Variants in TENM2 observed in about 807,000 individuals in gnomAD.
TENM2 encodes the protein teneurin transmembrane protein 2, also known as teneurin-2.
In TENM2, 52 loss-of-function variants were observed where a neutral mutation model predicts 245.2. The observed-to-expected ratio is 0.21, with a 90% CI of 0.17 to 0.27. The LOEUF is 0.27. TENM2 is among the 10% of genes least tolerant of loss of function. The probability of loss-of-function intolerance (pLI) is 1.00; values close to 1 mark genes in which losing one functional copy is unlikely to be tolerated. For synonymous variants in TENM2, 1,363 were observed against 1,438.9 expected, an observed-to-expected ratio of 0.95 and a Z score of 1.19; for missense variants, 3,046 against 3,666.8, an observed-to-expected ratio of 0.83 and a Z score of 4.37.
intron 2 of TENM2, among the ~76,000 whole-genome samples, chr5:167,872,552 A>AAGAAAGAAAG (rs1773062975): frequency 6.2e-5 from 3 of 48,350 alleles, no homozygotes; most frequent in African/African-American, 1.7e-4. Flanking sequence ...AAGAAAGAGA[A>AAGAAAGAAAG]AGAAAGAAAG....
At chr5:168,064,726 T>C (rs898358058) in intron 7 of TENM2, among the ~76,000 whole-genome samples, 14 of 152,210 alleles carry the variant, frequency 9.2e-5, no homozygotes, top group African/African-American at 3.4e-4. Flanking sequence ...TGAATAGGCA[T>C]GGGCTGATGT....
chr5:167,675,257 A>G (rs911328576), intron 2 of TENM2, among the ~76,000 whole-genome samples: 1 of 152,148 alleles, frequency 6.6e-6, no homozygotes, highest in East Asian at 1.9e-4. Flanking sequence ...TGTGATACAC[A>G]AAGACTTTTG....
intron 2 of TENM2, among the ~76,000 whole-genome samples, chr5:167,550,563 C>A (rs1316072590): frequency 6.6e-6 from 1 of 152,136 alleles, no homozygotes; most frequent in Non-Finnish European, 1.5e-5. Context: ...TAGCAGTCAG[C>A]TGATCTGTGG....
At chr5:167,152,182 C>T in the TENM2 span, among the ~76,000 whole-genome samples, 1 of 152,132 alleles carries the variant, frequency 6.6e-6, no homozygotes, top group African/African-American at 2.4e-5. Flanking sequence ...ATTGTATTTT[C>T]TTTTTCTTCA....
At chr5:167,469,354 T>C (rs374101054) in intron 2 of TENM2, among the ~76,000 whole-genome samples, 1 of 152,154 alleles carries the variant, frequency 6.6e-6, no homozygotes, top group African/African-American at 2.4e-5. Flanking sequence ...AGACTATTTG[T>C]TTTTTAATTA....
intron 2 of TENM2, among the ~76,000 whole-genome samples, chr5:167,692,540 T>C (rs533590366): frequency 6.6e-6 from 1 of 152,310 alleles, no homozygotes; most frequent in East Asian, 1.9e-4. Flanking sequence ...AACTTTATTA[T>C]CAGCATCACC....
chr5:167,434,004 CA>C (rs978103125), intron 2 of TENM2, among the ~76,000 whole-genome samples: 3 of 151,872 alleles, frequency 2.0e-5, no homozygotes, highest in Admixed American at 6.6e-5. Flanking sequence ...TTAGCTTCTA[CA>C]AAAAAATTTA....
intron 2 of TENM2, among the ~76,000 whole-genome samples, chr5:167,376,480 T>C (rs4509046): frequency 0.56 from 85,778 of 151,992 alleles, 25,976 homozygotes; most frequent in African/African-American, 0.79. Context: ...AATTTGCAGG[T>C]GGACAGCTTG....
At chr5:167,250,216 G>C in the TENM2 span, among the ~76,000 whole-genome samples, 1 of 152,100 alleles carries the variant, frequency 6.6e-6, no homozygotes, top group African/African-American at 2.4e-5. Context: ...AGCTACTCAG[G>C]AGGCTGAGTG....
intron 2 of TENM2, among the ~76,000 whole-genome samples, chr5:167,423,847 A>T (rs548662736): frequency 5.9e-5 from 9 of 152,148 alleles, no homozygotes; most frequent in Non-Finnish European, 1.3e-4. Context: ...TATGATTCTC[A>T]TGTGGGGCAT....
intron 2 of TENM2, among the ~76,000 whole-genome samples, chr5:167,787,688 C>T (rs770893539): frequency 5.9e-5 from 9 of 152,196 alleles, no homozygotes; most frequent in Admixed American, 6.5e-5. Flanking sequence ...TGTCCCTGTC[C>T]TCTGTGGCCA....
intron 1 of TENM2, among the ~76,000 whole-genome samples, chr5:167,341,998 A>G (rs952497643): frequency 6.6e-6 from 1 of 152,238 alleles, no homozygotes; most frequent in African/African-American, 2.4e-5. Context: ...TTTTAGATGT[A>G]CAGAATTATT....
chr5:168,229,053 A>ATAAT (rs894874585), intron 25 of TENM2, among the ~76,000 whole-genome samples: 38 of 148,164 alleles, frequency 2.6e-4, no homozygotes, highest in Middle Eastern at 7.2e-3. Flanking sequence ...AATTACATAT[A>ATAAT]TAATTAATGT....
Position 167,360,600 on chromosome 5 carries a change from C to T in TENM2, c.227-14598C>T, listed in dbSNP as rs80242044. Among the ~76,000 whole-genome samples the T allele has an allele frequency of 5.2e-3, 793 of 152,196 alleles. 9 individuals are homozygous for T. The highest frequency in any genetic ancestry group is 0.018 in the African/African-American group (766 of 41,530). ...GTATGTTAAGAATGAATATTCATTA[C>T]AGGAAAAAGAACCTGAAAATTTCTC... On this transcript the variant is annotated intron_variant, in intron 1 of 28. Transcript: ENST00000518659.
chr5:167,510,563 A>G (rs1289366032), intron 2 of TENM2, among the ~76,000 whole-genome samples: 3 of 152,092 alleles, frequency 2.0e-5, no homozygotes, highest in Non-Finnish European at 4.4e-5. Flanking sequence ...TTACTATAGA[A>G]AAAAATCAAT....
At chr5:167,447,225 C>A (rs987268392) in intron 2 of TENM2, among the ~76,000 whole-genome samples, 8 of 152,200 alleles carry the variant, frequency 5.3e-5, no homozygotes, top group Admixed American at 5.2e-4. Context: ...GATAGCAAAT[C>A]CCATTCTAAA....
At chr5:167,874,208 C>A (rs1773227017) in intron 2 of TENM2, among the ~76,000 whole-genome samples, 1 of 152,182 alleles carries the variant, frequency 6.6e-6, no homozygotes, top group Non-Finnish European at 1.5e-5. Flanking sequence ...TGCTTTTTAT[C>A]ATGTGGCACT....
the TENM2 span, among the ~76,000 whole-genome samples, chr5:167,170,826 C>T: frequency 6.6e-6 from 1 of 152,238 alleles, no homozygotes; most frequent in East Asian, 1.9e-4. Context: ...TCTCATCTTA[C>T]TTGATCTACC....
intron 2 of TENM2, among the ~76,000 whole-genome samples, chr5:167,657,557 C>T (rs1754928987): frequency 6.6e-6 from 1 of 152,188 alleles, no homozygotes; most frequent in African/African-American, 2.4e-5. Context: ...TAGTAATCTC[C>T]ATACTGTCCT....
Sources: gnomAD v4.1 joint callset for allele counts (sites outside exome capture counted in the v4.1 genomes callset) on GRCh38, gnomAD v4.1.1 for gene constraint, MANE v1.5 for transcripts, NCBI Gene and HGNC (gene_info 2026-07-23, HGNC 2026-07-21) for gene names.